CELSR1: variants seen among roughly 807,000 people sequenced by gnomAD.
CELSR1 encodes the protein cadherin EGF LAG seven-pass G-type receptor 1.
A neutral mutation model predicts 249.1 loss-of-function variants in CELSR1; 110 were observed. The observed-to-expected ratio is 0.44, with a 90% CI of 0.38 to 0.52. CELSR1 has a LOEUF of 0.52. Ranked by LOEUF, CELSR1 falls within the 20% of genes least tolerant of loss-of-function variation. The pLI, the probability that CELSR1 is intolerant of heterozygous loss-of-function variation, is 0.00. For missense variants in CELSR1, 4,109 were observed against 4,296.4 expected (o/e 0.96, Z 1.22); for synonymous variants, 2,113 against 1,900.0 (o/e 1.11, Z -2.92).
intron 18 of CELSR1, among the ~76,000 whole-genome samples, chr22:46,388,750 A>G (rs2079057281): frequency 6.6e-6 from 1 of 151,446 alleles, no homozygotes; most frequent in Admixed American, 6.5e-5. Flanking sequence ...CCCTAAAACG[A>G]TACTGCTCAG....
chr22:46,418,851 A>G lies in CELSR1; in HGVS notation c.4612-7092T>C, dbSNP rs188452537. On this transcript the variant is annotated intron_variant, in intron 5 of 34. Coordinates refer to ENST00000674500, the MANE Select transcript of CELSR1 (RefSeq NM_001378328.1). ...CAAGGGGGTCTAACCCGTTTCCCCG[A>G]TGATTCTGGCCAAAGACAAAAGTGA... Among the ~76,000 whole-genome samples the G allele has an allele frequency of 1.9e-3, 289 of 152,330 alleles. 4 individuals are homozygous for G. The highest frequency in any genetic ancestry group is 3.9e-4 in the East Asian group (2 of 5,190).
intron 1 of CELSR1, among the ~76,000 whole-genome samples, chr22:46,515,206 T>C (rs1346406710): frequency 6.6e-6 from 1 of 152,142 alleles, no homozygotes; most frequent in East Asian, 1.9e-4. Flanking sequence ...GGCCACACTC[T>C]GGGACCTCAT....
Position 46,534,180 on chromosome 22 carries a change from G to A in CELSR1, c.2991C>T (p.Pro997=), listed in dbSNP as rs769311936. The part of the protein sequence containing the change: ...VTILDINDNA[P]MFEKDELELF... ...GCTCCAGTTCGTCCTTCTCAAACAT[G>A]GGGGCATTGTCATTAATGTCCAAGA... The change falls in exon 1 of 35, where the codon CCC becomes CCT. Residue 997 remains proline, a synonymous_variant. Transcript: ENST00000674500. This position sits in a 1 kb window ranked among gnomAD's most constrained non-coding sequence, Gnocchi z 9.7. 6.2e-7 allele frequency: 1 copy of A among 1,613,856 alleles called. No individual in the cohort carries two copies. Among genetic ancestry groups the A allele is most frequent in the South Asian group, 1.1e-5 (1 of 91,082 alleles).
rs776328619 is a variant in CELSR1 at position 46,364,547 on chromosome 22, C to T, written c.8744G>A (p.Arg2915Lys). The change falls in exon 33 of 35, where the codon AGG becomes AAG. Residue 2915 changes from arginine (R) to lysine (K), a missense_variant. This residue lies in a region of CELSR1 where 1,805 missense variants were observed against 1,831.6 expected (regional missense o/e 0.99). Coordinates refer to ENST00000674500, the MANE Select transcript of CELSR1 (RefSeq NM_001378328.1). ...PPDQESGGAA[R>K]LASSQPPEQR... ...CTCTGGGGGCTGGCTGCTAGCAAGC[C>T]TGGCTGCGCCCCCGCTCTCCTGGTC... 1.1e-5 allele frequency: 18 copies of T among 1,611,964 alleles called. No homozygotes were observed. Among genetic ancestry groups the T allele is most frequent in the Non-Finnish European group, 1.5e-5 (18 of 1,179,772 alleles).
intron 2 of CELSR1, among the ~76,000 whole-genome samples, chr22:46,455,777 A>C (rs1299973038): frequency 6.6e-6 from 1 of 152,198 alleles, no homozygotes; most frequent in Non-Finnish European, 1.5e-5. Context: ...TGTTTATCAA[A>C]AGCCCCAGCT....
chr22:46,470,007 A>G (rs1222089002), intron 1 of CELSR1, among the ~76,000 whole-genome samples: 2 of 13,460 alleles, frequency 1.5e-4, no homozygotes, highest in Non-Finnish European at 1.5e-4. Flanking sequence ...AGGGAGAGGC[A>G]AAGGGGCCAG....
chr22:46,428,811 C>A lies in CELSR1; in HGVS notation c.4611+4582G>T, dbSNP rs868306833. On this transcript the variant is annotated intron_variant, in intron 5 of 34. Coordinates refer to ENST00000674500, the MANE Select transcript of CELSR1 (RefSeq NM_001378328.1). The surrounding 1 kb of genome is among the most constrained non-coding windows in gnomAD (Gnocchi z 5.7). ...TCACTGCACAGCTCACTCACGGGTCCCCAGCGGGCCACACTGCCTGGTGTC... is the reference window on the plus strand; with the variant it reads ...TCACTGCACAGCTCACTCACGGGTCACCAGCGGGCCACACTGCCTGGTGTC... Among the ~76,000 whole-genome samples, 4 of 152,196 alleles carry A rather than the reference C, an allele frequency of 2.6e-5. No individual in the cohort carries two copies. In the South Asian group the frequency reaches 8.3e-4, roughly 32 times the overall value.
chr22:46,516,621 T>C lies in CELSR1; in HGVS notation c.3544+17006A>G, dbSNP rs187395562. ...CCCAAAGTGCTTGGGATTAGAAGCA[T>C]GAGCCACCACACCTGGCCAGGACAT... On this transcript the variant is annotated intron_variant, in intron 1 of 34. Transcript: ENST00000674500. Among the ~76,000 whole-genome samples, 418 of 152,224 alleles carry C rather than the reference T, an allele frequency of 2.7e-3. 3 individuals are homozygous for C. The highest frequency in any genetic ancestry group is 1.0e-3 in the Non-Finnish European group (70 of 68,016).
In CELSR1 at chr22:46,534,347, A is replaced by G. The variant is rs1286301035; in HGVS notation, c.2824T>C (p.Tyr942His). 3 of 1,613,036 alleles carry G rather than the reference A, an allele frequency of 1.9e-6. No homozygotes were observed. The highest frequency in any genetic ancestry group is 2.5e-6 in the Non-Finnish European group (3 of 1,180,038). Residue 942 changes from tyrosine (Y) to histidine (H), a missense_variant, in exon 1 of 35, where the codon TAC becomes CAC. Physicochemically the swap from Tyr to His is moderately conservative, Grantham distance 83. This residue lies in a region of CELSR1 where 886 missense variants were observed against 896.5 expected (regional missense o/e 0.99). Coordinates refer to ENST00000674500, the MANE Select transcript of CELSR1 (RefSeq NM_001378328.1). The surrounding 1 kb of genome is among the most constrained non-coding windows in gnomAD (Gnocchi z 9.7). The part of the protein sequence containing the change: ...QGGDDGDGDF[Y>H]IEPTSGVIRT... ...ATCACACCGGACGTGGGCTCGATGTAGAAGTCCCCATCGCCGTCGTCCCCA... is the reference window on the plus strand; with the variant it reads ...ATCACACCGGACGTGGGCTCGATGTGGAAGTCCCCATCGCCGTCGTCCCCA...
intron 2 of CELSR1, among the ~76,000 whole-genome samples, chr22:46,457,480 A>G (rs910528567): frequency 1.3e-5 from 2 of 152,300 alleles, no homozygotes; most frequent in Middle Eastern, 6.8e-3. Flanking sequence ...CTCTACCCAG[A>G]CATGAGGTGA....
intron 2 of CELSR1, among the ~76,000 whole-genome samples, chr22:46,450,690 C>T (rs1474823051): frequency 2.0e-5 from 3 of 152,180 alleles, no homozygotes; most frequent in Non-Finnish European, 4.4e-5. Flanking sequence ...GTGTCCCCTC[C>T]GAATGTCCCT....
In CELSR1 at chr22:46,366,970, G is replaced by A. The variant is rs370158416; in HGVS notation, c.8205+23C>T. ...GAGATGCCGCCCAGCCCCCAGTCCC[G>A]CGGTGTCCCCGGCGCCTCCTACCGT... On this transcript the variant is annotated intron_variant, in intron 29 of 34. Coordinates refer to ENST00000674500, the MANE Select transcript of CELSR1 (RefSeq NM_001378328.1). 7.9e-5 allele frequency: 126 copies of A among 1,594,578 alleles called. 1 individual carries two copies. The highest frequency in any genetic ancestry group is 3.8e-4 in the African/African-American group (28 of 74,352).
intron 1 of CELSR1, among the ~76,000 whole-genome samples, chr22:46,469,542 G>A (rs2080132331): frequency 6.6e-6 from 1 of 152,090 alleles, no homozygotes; most frequent in Non-Finnish European, 1.5e-5. Context: ...TTGAGATGGA[G>A]TCTCGCTCTG....
At chr22:46,366,580 C>G in intron 29 of CELSR1, 100 bp from the exon 30 acceptor site, 1 of 977,980 alleles carries the variant, frequency 1.0e-6, no homozygotes, top group Non-Finnish European at 1.6e-6. Context: ...CACACCCACA[C>G]CCTGGCTGGG....
At position 46,374,644 on chromosome 22, in the gene CELSR1, A is replaced by T. The variant is rs1264043916; in HGVS notation, c.7585-1587T>A. Among the ~76,000 whole-genome samples, 1 of 152,078 alleles carries T rather than the reference A, an allele frequency of 6.6e-6. No individual in the cohort carries two copies. The highest frequency in any genetic ancestry group is 6.6e-5 in the Admixed American group (1 of 15,264). ...AGTGTGGGAACCCAGGGGCCGCCTCAGTTTCGCTGGGGTGTTGAGTTGCAG... is the reference window on the plus strand; with the variant it reads ...AGTGTGGGAACCCAGGGGCCGCCTCTGTTTCGCTGGGGTGTTGAGTTGCAG... On this transcript the variant is annotated intron_variant, in intron 24 of 34. Coordinates refer to ENST00000674500, the MANE Select transcript of CELSR1 (RefSeq NM_001378328.1). The surrounding 1 kb of genome is among the most constrained non-coding windows in gnomAD (Gnocchi z 4.3).
chr22:46,439,547 A>G lies in CELSR1; in HGVS notation c.4184-136T>C, dbSNP rs1372917613. On this transcript the variant is annotated intron_variant, in intron 2 of 34. Coordinates refer to ENST00000674500, the MANE Select transcript of CELSR1 (RefSeq NM_001378328.1). ...AAGAAAACCCGACTGACTCCAGGAC[A>G]GGTCTGTGACATGAACAGAAACCCC... The G allele has an allele frequency of 5.8e-6, 4 of 689,618 alleles. No individual in the cohort carries two copies. In the African/African-American group the frequency reaches 7.2e-5, roughly 12 times the overall value. 42.7% of individuals were successfully genotyped at this position (689,618 alleles called of 1,614,324 possible).
intron 1 of CELSR1, among the ~76,000 whole-genome samples, chr22:46,469,410 C>T (rs770361495): frequency 6.6e-6 from 1 of 152,228 alleles, no homozygotes; most frequent in Admixed American, 6.5e-5. Flanking sequence ...CTGGGTCCCT[C>T]GATGGAGGAC....
rs116237831 is a variant in CELSR1, at chr22:46,458,479, G to C, written c.4183+5228C>G. On this transcript the variant is annotated intron_variant, in intron 2 of 34. Coordinates refer to ENST00000674500, the MANE Select transcript of CELSR1 (RefSeq NM_001378328.1). ...AGGCAGCAGAGAGAAGAACTGGGCT[G>C]GGGAGGCAGCGTCATTAGGTCATGG... is the stretch of plus-strand genomic sequence containing the variant. 1.5e-3 allele frequency among the ~76,000 whole-genome samples: 226 copies of C among 152,340 alleles called. 1 individual carries two copies. The highest frequency in any genetic ancestry group is 5.3e-3 in the African/African-American group (220 of 41,582).
In CELSR1 at chr22:46,364,348, T is replaced by G; in HGVS notation, c.8780-97A>C. 2.0e-6 allele frequency: 3 copies of G among 1,537,694 alleles called. No homozygotes were observed. In the East Asian group the frequency reaches 6.8e-5, roughly 35 times the overall value. On this transcript the variant is annotated intron_variant, in intron 33 of 34. Coordinates refer to ENST00000674500, the MANE Select transcript of CELSR1 (RefSeq NM_001378328.1). The stretch of plus-strand genomic sequence containing the variant: ...CTGAGCCAGCCTCAGCCCCTGTCCT[T>G]CCTCCTGGTTCCCCGGGTCCCAGGG...
Sources: gnomAD v4.1 joint callset for allele counts (sites outside exome capture counted in the v4.1 genomes callset) on GRCh38, gnomAD v4.1.1 for gene constraint, gnomAD v4.1.1 regional missense constraint, Gnocchi (gnomAD v3.1) non-coding constraint, MANE v1.5 for transcripts, NCBI Gene and HGNC (gene_info 2026-07-23, HGNC 2026-07-21) for gene names.